The following LONRF2 variants were observed in gnomAD, a reference collection of about 807,000 sequenced individuals.
The protein encoded by LONRF2 is LON peptidase N-terminal domain and RING finger protein 2.
A neutral mutation model predicts 66.6 loss-of-function variants in LONRF2; 35 were observed. The ratio of observed to expected loss-of-function variants is 0.53; its 90% CI spans 0.40 to 0.70. The LOEUF (loss-of-function observed/expected upper bound fraction) is 0.70. LONRF2 is among the 30% of genes least tolerant of loss of function. The pLI is 0.00. For missense variants in LONRF2, 902 were observed against 1,002.1 expected (o/e 0.90, Z 1.35); for synonymous variants, 417 against 418.1 (o/e 1.00, Z 0.03).
intron 1 of LONRF2, among the ~76,000 whole-genome samples, chr2:100,320,600 T>A (rs537734542): frequency 3.9e-5 from 6 of 152,370 alleles, no homozygotes; most frequent in Non-Finnish European, 7.3e-5. Context: ...TCTCGGCTAG[T>A]GCTTTAAATC....
intron 3 of LONRF2, among the ~76,000 whole-genome samples, 199 bp downstream of exon 3, chr2:100,302,722 C>T (rs115102078): frequency 2.0e-5 from 3 of 152,170 alleles, no homozygotes; most frequent in South Asian, 4.1e-4. Flanking sequence ...CTCTGCTTTA[C>T]CCAGGGACAA....
rs1674741510 is a variant in LONRF2, at chr2:100,281,750, A to G, written c.*2548T>C. The G allele has an allele frequency of 6.6e-6, 1 of 152,204 alleles. No individual in the cohort carries two copies. The highest frequency in any genetic ancestry group is 1.5e-5 in the Non-Finnish European group (1 of 68,036). 9.4% of individuals were successfully genotyped at this position (152,204 alleles called of 1,614,324 possible). On this transcript the variant is annotated 3_prime_UTR_variant, in exon 12 of 12. Coordinates refer to ENST00000393437, the MANE Select transcript of LONRF2 (RefSeq NM_198461.4). ...ATTAAGCTGGAATGTCCTGACATTG[A>G]ATGAGAGATTACATTATTTTCTGAG...
chr2:100,295,378 T>C, intron 8 of LONRF2, 54 bp downstream of exon 8: 1 of 1,551,182 alleles, frequency 6.4e-7, no homozygotes, highest in South Asian at 1.2e-5. Flanking sequence ...GAAGCTGAAG[T>C]TGACAAAGTT....
In LONRF2 at chr2:100,272,159, T is replaced by C. The variant is rs2105702284; in HGVS notation, c.*12139A>G. Among the ~76,000 whole-genome samples the C allele has an allele frequency of 6.6e-6, 1 of 152,366 alleles. No individual in the cohort carries two copies. Among genetic ancestry groups the C allele is most frequent in the East Asian group, 1.9e-4 (1 of 5,194 alleles). Reference sequence around the variant, plus strand: ...GAGGAAGAACTTAAATATCATTCTCTCTTTAGTAACCAACACAAGATTGTC... The same window carrying C: ...GAGGAAGAACTTAAATATCATTCTCCCTTTAGTAACCAACACAAGATTGTC... On this transcript the variant is annotated 3_prime_UTR_variant, in exon 12 of 12. Transcript: ENST00000393437.
At chr2:100,303,689 C>A (rs1450250231) in intron 2 of LONRF2, among the ~76,000 whole-genome samples, 5 of 152,098 alleles carry the variant, frequency 3.3e-5, no homozygotes, top group African/African-American at 1.2e-4. Context: ...AATATTATTT[C>A]CCTGTATGTC....
rs1023802857 is a variant in LONRF2 at position 100,276,457 on chromosome 2, A to T, written c.*7841T>A. ...ACACAGACACTCTAATAAAACAAAT[A>T]ATAAATTAAAATTAAAGTCAGTCTT... On this transcript the variant is annotated 3_prime_UTR_variant, in exon 12 of 12. Coordinates refer to ENST00000393437, the MANE Select transcript of LONRF2 (RefSeq NM_198461.4). 8 of 152,176 alleles carry T rather than the reference A, an allele frequency of 5.3e-5. No individual in the cohort carries two copies. Among genetic ancestry groups the T allele is most frequent in the Admixed American group, 3.3e-4 (5 of 15,280 alleles). 9.4% of individuals were successfully genotyped at this position (152,176 alleles called of 1,614,324 possible).
chr2:100,291,636 G>A (rs1674961176), intron 9 of LONRF2, among the ~76,000 whole-genome samples: 1 of 152,086 alleles, frequency 6.6e-6, no homozygotes, highest in Non-Finnish European at 1.5e-5. Context: ...ACAGGCTCCT[G>A]TCTGACCTCC....
intron 2 of LONRF2, among the ~76,000 whole-genome samples, chr2:100,305,645 C>G (rs1406549657): frequency 6.6e-6 from 1 of 152,156 alleles, no homozygotes; most frequent in East Asian, 1.9e-4. Context: ...GCAGCCATTT[C>G]AAAAGACATG....
chr2:100,292,967 C>T (rs550756908), intron 9 of LONRF2, among the ~76,000 whole-genome samples: 1 of 152,296 alleles, frequency 6.6e-6, no homozygotes, highest in South Asian at 2.1e-4. Context: ...TTGGCGTCCA[C>T]ATATGAGTGG....
intron 1 of LONRF2, among the ~76,000 whole-genome samples, chr2:100,310,932 G>C (rs1675395955): frequency 6.6e-6 from 1 of 152,126 alleles, no homozygotes; most frequent in Non-Finnish European, 1.5e-5. Context: ...TGGAATTCTT[G>C]TTTGGGGAAT....
intron 1 of LONRF2, among the ~76,000 whole-genome samples, chr2:100,312,214 T>A (rs977966063): frequency 2.0e-5 from 3 of 152,218 alleles, no homozygotes; most frequent in East Asian, 3.8e-4. Context: ...TCTTCATGGA[T>A]AAATATTGAT....
At chr2:100,307,322 C>T (rs1675318911) in intron 2 of LONRF2, among the ~76,000 whole-genome samples, 1 of 152,182 alleles carries the variant, frequency 6.6e-6, no homozygotes, top group Admixed American at 6.5e-5. Context: ...CAGATATGAC[C>T]ACCGTCTCAT....
intron 2 of LONRF2, 93 bp from the exon 3 acceptor site, chr2:100,303,136 T>A: frequency 8.0e-7 from 1 of 1,243,766 alleles, no homozygotes; most frequent in Non-Finnish European, 1.1e-6. Context: ...ATTAGAACAA[T>A]TTGTTTTAAT....
intron 10 of LONRF2, 87 bp from the exon 11 acceptor site, chr2:100,287,150 G>C: frequency 1.6e-6 from 2 of 1,242,794 alleles, no homozygotes; most frequent in Non-Finnish European, 2.2e-6. Context: ...CCACTAAGTG[G>C]ATTTGTGGCA....
At chr2:100,300,907 A>G (rs1675173469) in intron 3 of LONRF2, 120 bp from the exon 4 acceptor site, 1 of 784,102 alleles carries the variant, frequency 1.3e-6, no homozygotes, top group Admixed American at 3.7e-5. Flanking sequence ...GTTGAAAAGA[A>G]TAATTTTAAC....
intron 1 of LONRF2, among the ~76,000 whole-genome samples, chr2:100,311,144 T>C (rs1675399587): frequency 2.0e-5 from 3 of 152,198 alleles, no homozygotes; most frequent in Admixed American, 2.0e-4. Context: ...AGAATTCTAT[T>C]AGATTCTCCT....
chr2:100,306,427 T>TA (rs1465520935), intron 2 of LONRF2, among the ~76,000 whole-genome samples: 1 of 152,258 alleles, frequency 6.6e-6, no homozygotes, highest in East Asian at 1.9e-4. Context: ...TTGCATTTTT[T>TA]ATACCACAGT....
intron 7 of LONRF2, among the ~76,000 whole-genome samples, chr2:100,298,111 T>G (rs1418553708): frequency 6.6e-6 from 1 of 152,140 alleles, no homozygotes; most frequent in Non-Finnish European, 1.5e-5. Context: ...CCCACCCCCT[T>G]AAGATGTTAT....
In LONRF2 at chr2:100,321,937, G is replaced by T; in HGVS notation, c.157C>A (p.Leu53Met). ...AELFRSMLAGLAQPDRGLCLR... is the reference protein window; with the variant it reads ...AELFRSMLAGMAQPDRGLCLR... ...CACAGGCCGCGGTCCGGCTGCGCCA[G>T]CCCGGCTAGCATGGAGCGAAAGAGC... The change falls in exon 1 of 12, where the codon CTG becomes ATG. Residue 53 changes from leucine (L) to methionine (M), a missense_variant. Leu to Met is a conservative substitution (Grantham distance 15). Coordinates refer to ENST00000393437, the MANE Select transcript of LONRF2 (RefSeq NM_198461.4). The T allele has an allele frequency of 2.1e-6, 3 of 1,409,442 alleles. No individual in the cohort carries two copies. The highest frequency in any genetic ancestry group is 1.5e-5 in the African/African-American group (1 of 68,010). The allele number at this position is 1,409,442 out of a possible 1,614,324, so 87.3% of individuals were successfully genotyped here. A position where few individuals can be genotyped will look rare whatever the true frequency, so the allele number is the denominator to read the frequency against.
Sources: gnomAD v4.1 joint callset for allele counts (sites outside exome capture counted in the v4.1 genomes callset) on GRCh38, gnomAD v4.1.1 for gene constraint, MANE v1.5 for transcripts, NCBI Gene and HGNC (gene_info 2026-07-23, HGNC 2026-07-21) for gene names.